JCAD: variants seen among roughly 807,000 people sequenced by gnomAD.
JCAD encodes the protein junctional cadherin 5 associated.
A neutral mutation model predicts 98.0 loss-of-function variants in JCAD; 40 were observed. That is an observed-to-expected ratio of 0.41 (90% CI 0.32 to 0.53). The LOEUF (loss-of-function observed/expected upper bound fraction) is 0.53, where lower values mean the gene tolerates loss of function less well. Ranked by LOEUF, JCAD falls within the 20% of genes least tolerant of loss-of-function variation. The probability of loss-of-function intolerance (pLI) is 0.31; values close to 1 mark genes in which losing one functional copy is unlikely to be tolerated. For missense variants in JCAD, 1,705 were observed against 1,738.1 expected, an observed-to-expected ratio of 0.98 and a Z score of 0.34; for synonymous variants, 691 against 682.3, an observed-to-expected ratio of 1.01 and a Z score of -0.20.
intron 1 of JCAD, among the ~76,000 whole-genome samples, chr10:30,092,098 T>TTAAAAA (rs11268260): frequency 2.2e-5 from 1 of 44,598 alleles, no homozygotes; most frequent in Non-Finnish European, 3.5e-5. Context: ...TAAAGTTACT[T>TTAAAAA]TATATATATA....
intron 3 of JCAD, among the ~76,000 whole-genome samples, chr10:30,025,286 G>C (rs1156919881): frequency 6.6e-6 from 1 of 151,882 alleles, no homozygotes; most frequent in Non-Finnish European, 1.5e-5. Context: ...GGGAGGCCAA[G>C]GTGGGTGGAT....
intron 1 of JCAD, among the ~76,000 whole-genome samples, chr10:30,056,666 C>T (rs1041686308): frequency 2.0e-5 from 3 of 152,166 alleles, no homozygotes; most frequent in South Asian, 2.1e-4. Context: ...GGATACTTCA[C>T]GATCTGATAA....
chr10:30,058,423 C>T (rs1003356420), intron 1 of JCAD, among the ~76,000 whole-genome samples: 16 of 152,232 alleles, frequency 1.1e-4, no homozygotes, highest in Admixed American at 7.8e-4. Flanking sequence ...AGCTAATTCC[C>T]CCAAGGCCTC....
Position 30,029,458 on chromosome 10 carries a change from G to C in JCAD, c.690C>G (p.Arg230=), listed in dbSNP as rs1197420482. The C allele has an allele frequency of 6.2e-6, 10 of 1,614,226 alleles. No individual in the cohort carries two copies. In the South Asian group the frequency reaches 1.1e-4, roughly 18 times the overall value. Residue 230 remains arginine, a synonymous_variant, in exon 3 of 4, where the codon CGC becomes CGG. Coordinates refer to ENST00000375377, the MANE Select transcript of JCAD (RefSeq NM_020848.4). The part of the protein sequence containing the change: ...VLNSQNKGKS[R]SLPRVLSPES... ...CGGGGGAAAGAACTCTAGGCAGTGAGCGAGACTTCCCTTTGTTTTGAGAAT... is the reference window on the plus strand; with the variant it reads ...CGGGGGAAAGAACTCTAGGCAGTGACCGAGACTTCCCTTTGTTTTGAGAAT...
At position 30,027,854 on chromosome 10, in the gene JCAD, G is replaced by C. The variant is rs1273383625; in HGVS notation, c.2294C>G (p.Ser765Ter). 1 of 1,614,270 alleles carries C rather than the reference G, an allele frequency of 6.2e-7. No individual in the cohort carries two copies. Among genetic ancestry groups the C allele is most frequent in the South Asian group, 1.1e-5 (1 of 91,088 alleles). The change falls in exon 3 of 4, where the codon TCA becomes TGA. Residue 765 changes from serine (S) to a stop codon, truncating the protein, a stop_gained. Coordinates refer to ENST00000375377, the MANE Select transcript of JCAD (RefSeq NM_020848.4). LOFTEE classifies it high-confidence loss of function. ...SLSPSSNSAF[S>*]RTSLSVDQAP... Reference sequence around the variant, plus strand: ...CTGGTCCACGGACAAGGAAGTCCTTGAGAACGCACTGTTGCTGGATGGGCT... The same window carrying C: ...CTGGTCCACGGACAAGGAAGTCCTTCAGAACGCACTGTTGCTGGATGGGCT...
rs1836509779 is a variant in JCAD, at chr10:30,015,235, A to G, written c.*2648T>C. 1 of 152,242 alleles carries G rather than the reference A, an allele frequency of 6.6e-6. No individual in the cohort carries two copies. The highest frequency in any genetic ancestry group is 2.1e-4 in the South Asian group (1 of 4,834). 9.4% of individuals were successfully genotyped at this position (152,242 alleles called of 1,614,324 possible). ...TCCAAATTATTAAACACCAACAGTA[A>G]ATTGTGTGCATGAGAAGAACAAAGA... On this transcript the variant is annotated 3_prime_UTR_variant, in exon 4 of 4. Coordinates refer to ENST00000375377, the MANE Select transcript of JCAD (RefSeq NM_020848.4).
chr10:30,105,940 C>A (rs1021399911), intron 1 of JCAD, among the ~76,000 whole-genome samples: 4 of 152,190 alleles, frequency 2.6e-5, no homozygotes, highest in Non-Finnish European at 5.9e-5. Flanking sequence ...TAAGACCCAG[C>A]ATTAATGTAA....
intron 1 of JCAD, among the ~76,000 whole-genome samples, chr10:30,091,898 C>T (rs189647024): frequency 0.025 from 3,652 of 144,824 alleles, 169 homozygotes; most frequent in African/African-American, 0.087. Flanking sequence ...CCTGGTGGCA[C>T]GCGCCTGTAA....
At chr10:30,040,561 T>C (rs1331250039) in intron 2 of JCAD, among the ~76,000 whole-genome samples, 1 of 152,218 alleles carries the variant, frequency 6.6e-6, no homozygotes, top group Admixed American at 6.5e-5. Flanking sequence ...CAAATATTTA[T>C]GGAGTATTCG....
chr10:30,062,872 C>A (rs1837722170), upstream of JCAD, among the ~76,000 whole-genome samples: 3 of 152,080 alleles, frequency 2.0e-5, no homozygotes, highest in Admixed American at 2.0e-4. Context: ...TTGGGTGGGA[C>A]ACAGAGCCAA....
In JCAD at chr10:30,028,636, G is replaced by T. The variant is rs566279081; in HGVS notation, c.1512C>A (p.Pro504=). ...GGCCACTGTTTTCCCCATCCCCGGG[G>T]GGCTGGCCCCACAGCCACCGGGGGC... ...DSSPRWLWGQ[P]PGDGENSGLP... is the part of the protein sequence containing the mutation. The change falls in exon 3 of 4, where the codon CCC becomes CCA. Residue 504 remains proline, a synonymous_variant. Coordinates refer to ENST00000375377, the MANE Select transcript of JCAD (RefSeq NM_020848.4). The T allele has an allele frequency of 9.0e-5, 145 of 1,608,502 alleles. 3 individuals are homozygous for T. The South Asian group carries it at 1.2e-3, about 13-fold the overall frequency.
intron 1 of JCAD, among the ~76,000 whole-genome samples, chr10:30,094,574 G>A (rs1396452036): frequency 6.6e-6 from 1 of 152,182 alleles, no homozygotes; most frequent in Non-Finnish European, 1.5e-5. Flanking sequence ...CTGCCACAGT[G>A]CATGCAATAT....
chr10:30,089,790 G>A (rs1296348742), intron 1 of JCAD, among the ~76,000 whole-genome samples: 4 of 152,008 alleles, frequency 2.6e-5, no homozygotes, highest in African/African-American at 4.8e-5. Context: ...GAACAGCAAG[G>A]CTTTTCTGTA....
At chr10:30,025,382 G>A (rs1263194901) in intron 3 of JCAD, among the ~76,000 whole-genome samples, 2 of 151,832 alleles carry the variant, frequency 1.3e-5, no homozygotes, top group African/African-American at 4.8e-5. Flanking sequence ...ACTGGGCCTG[G>A]TGACACACGC....
Position 30,029,065 on chromosome 10 carries a change from C to T in JCAD, c.1083G>A (p.Thr361=), listed in dbSNP as rs943820942. Residue 361 remains threonine, a synonymous_variant, in exon 3 of 4, where the codon ACG becomes ACA. Coordinates refer to ENST00000375377, the MANE Select transcript of JCAD (RefSeq NM_020848.4). ...QNIPNPYLED[T]VPINVCGGHS... is the part of the protein sequence containing the mutation. ...GACCGCCACACACATTTATGGGCACCGTGTCTTCCAAGTAGGGGTTTGGGA... is the reference window on the plus strand; with the variant it reads ...GACCGCCACACACATTTATGGGCACTGTGTCTTCCAAGTAGGGGTTTGGGA... 17 of 1,613,962 alleles carry T rather than the reference C, an allele frequency of 1.1e-5. No homozygotes were observed. The highest frequency in any genetic ancestry group is 1.4e-5 in the Non-Finnish European group (16 of 1,180,032).
At chr10:30,083,753 C>A (rs978823952) in intron 1 of JCAD, among the ~76,000 whole-genome samples, 2 of 152,062 alleles carry the variant, frequency 1.3e-5, no homozygotes, top group Non-Finnish European at 2.9e-5. Context: ...GGTGGCTGGG[C>A]GCGATACTCA....
At chr10:30,063,161 A>AC (rs1035676914), upstream of JCAD, among the ~76,000 whole-genome samples, 1 of 151,580 alleles carries the variant, frequency 6.6e-6, no homozygotes, top group African/African-American at 2.4e-5. Flanking sequence ...GGAAAAAAAA[A>AC]AAAACTCGCT....
intron 2 of JCAD, among the ~76,000 whole-genome samples, chr10:30,031,776 A>C (rs1837002388): frequency 1.3e-5 from 1 of 77,356 alleles, no homozygotes; most frequent in African/African-American, 5.7e-5. Flanking sequence ...TTTTTTTGAG[A>C]CGGAGTCTTG....
Position 30,028,801 on chromosome 10 carries a change from G to T in JCAD, c.1347C>A (p.Asp449Glu). 1 of 1,614,218 alleles carries T rather than the reference G, an allele frequency of 6.2e-7. No individual in the cohort carries two copies. The highest frequency in any genetic ancestry group is 1.1e-5 in the South Asian group (1 of 91,084). ...CAGGACTGGAGTTATATGATTTATC[G>T]TCAAGCTTTATGTCTTCACAGAAAC... The part of the protein sequence containing the change: ...PQGFCEDIKL[D>E]DKSYNSSPVT... Residue 449 changes from aspartate to glutamate, a missense_variant, in exon 3 of 4, where the codon GAC becomes GAA. Coordinates refer to ENST00000375377, the MANE Select transcript of JCAD (RefSeq NM_020848.4).
Sources: allele counts gnomAD v4.1 joint callset (sites outside exome capture counted in the v4.1 genomes callset), GRCh38; gene constraint gnomAD v4.1.1; transcripts MANE v1.5; gene names NCBI Gene and HGNC (gene_info 2026-07-23, HGNC 2026-07-21).